FSHR: variants seen among roughly 807,000 people sequenced by gnomAD.
The protein encoded by FSHR is follicle-stimulating hormone receptor.
In FSHR, 46 loss-of-function variants were observed where a neutral mutation model predicts 52.1. That is an observed-to-expected ratio of 0.88 (90% CI 0.70 to 1.13). The LOEUF (loss-of-function observed/expected upper bound fraction) is 1.13. Among genes scored for constraint, FSHR ranks in the 50% most tolerant of loss-of-function variants. The pLI, the probability that FSHR is intolerant of heterozygous loss-of-function variation, is 0.00. For synonymous variants in FSHR, 399 were observed against 309.6 expected, an observed-to-expected ratio of 1.29 and a Z score of -3.03; for missense variants, 964 against 834.6, an observed-to-expected ratio of 1.16 and a Z score of -1.91.
chr2:49,003,038 G>C (rs1249887713), intron 4 of FSHR, among the ~76,000 whole-genome samples: 3 of 152,096 alleles, frequency 2.0e-5, no homozygotes, highest in East Asian at 3.9e-4. Flanking sequence ...ATTCCAAATG[G>C]GTGAGGGAAA....
intron 1 of FSHR, among the ~76,000 whole-genome samples, chr2:49,080,839 C>G (rs1263135874): frequency 6.6e-6 from 1 of 152,142 alleles, no homozygotes; most frequent in Non-Finnish European, 1.5e-5. Flanking sequence ...AGTCCATACT[C>G]CCAGCCATCT....
intron 8 of FSHR, among the ~76,000 whole-genome samples, chr2:48,977,340 G>C (rs1675036468): frequency 6.6e-6 from 1 of 152,172 alleles, no homozygotes; most frequent in Non-Finnish European, 1.5e-5. Context: ...ATGCAGAAGA[G>C]TTTAGGATTT....
chr2:49,064,652 GAA>G (rs2104333864), intron 2 of FSHR, among the ~76,000 whole-genome samples: 1 of 152,220 alleles, frequency 6.6e-6, no homozygotes, highest in Admixed American at 6.5e-5. Flanking sequence ...GGTAGCTGGA[GAA>G]AGAGATGGGT....
intron 1 of FSHR, among the ~76,000 whole-genome samples, chr2:49,107,258 T>G (rs2103742133): frequency 6.6e-6 from 1 of 152,070 alleles, no homozygotes; most frequent in East Asian, 1.9e-4. Context: ...TGAAATGGCC[T>G]TTTTTTCCTA....
chr2:48,962,307 C>A lies in FSHR; in HGVS notation c.*426G>T, dbSNP rs1176197948. ...CTTCTCTGGGAAATTCTCTGGGAGT[C>A]GGAATACCTAATCCTGGCTCTGCCT... On this transcript the variant is annotated 3_prime_UTR_variant, in exon 10 of 10. Transcript: ENST00000406846. 4 of 209,596 alleles carry A rather than the reference C, an allele frequency of 1.9e-5. No homozygotes were observed. Among genetic ancestry groups the A allele is most frequent in the Admixed American group, 5.3e-5 (1 of 18,872 alleles). 13.0% of individuals were successfully genotyped at this position (209,596 alleles called of 1,614,324 possible).
At chr2:49,113,385 C>G (rs1380247008) in intron 1 of FSHR, among the ~76,000 whole-genome samples, 1 of 152,164 alleles carries the variant, frequency 6.6e-6, no homozygotes, top group Non-Finnish European at 1.5e-5. Context: ...CCTATGAGTT[C>G]TTAGATCCTT....
intron 2 of FSHR, among the ~76,000 whole-genome samples, chr2:49,042,799 C>A (rs1668522450): frequency 6.6e-6 from 1 of 152,100 alleles, no homozygotes; most frequent in South Asian, 2.1e-4. Flanking sequence ...TGAGGAAGGC[C>A]TGAAGATGTG....
intron 4 of FSHR, among the ~76,000 whole-genome samples, chr2:48,994,213 A>G (rs905620644): frequency 1.3e-5 from 2 of 152,174 alleles, no homozygotes; most frequent in African/African-American, 2.4e-5. Context: ...TACTCATTCA[A>G]CGTTATTTGG....
At chr2:48,989,367 C>T (rs1675665857) in intron 5 of FSHR, among the ~76,000 whole-genome samples, 1 of 149,514 alleles carries the variant, frequency 6.7e-6, no homozygotes, top group Non-Finnish European at 1.5e-5. Context: ...ACTGTAGCCT[C>T]AACCTCCCAG....
At chr2:49,069,641 A>G (rs1669655629) in intron 1 of FSHR, among the ~76,000 whole-genome samples, 1 of 152,134 alleles carries the variant, frequency 6.6e-6, no homozygotes, top group East Asian at 1.9e-4. Context: ...GGTAGTCAAT[A>G]AATATTTGAA....
intron 4 of FSHR, among the ~76,000 whole-genome samples, chr2:49,012,173 G>A (rs1667300688): frequency 6.6e-6 from 1 of 152,260 alleles, no homozygotes; most frequent in Non-Finnish European, 1.5e-5. Flanking sequence ...GAGCAGCAAA[G>A]AGAAACATCC....
intron 1 of FSHR, among the ~76,000 whole-genome samples, chr2:49,151,711 C>T (rs1673070214): frequency 6.6e-6 from 1 of 152,076 alleles, no homozygotes; most frequent in African/African-American, 2.4e-5. Flanking sequence ...CTCATGTAAT[C>T]ATTAAAGTTA....
chr2:49,076,309 G>C (rs879529910), intron 1 of FSHR, among the ~76,000 whole-genome samples: 23 of 152,314 alleles, frequency 1.5e-4, no homozygotes, highest in Admixed American at 1.4e-3. Context: ...CAGAAGGCGA[G>C]GAGCAAGTCA....
chr2:48,969,058 G>C (rs1250955968), intron 8 of FSHR, among the ~76,000 whole-genome samples, 175 bp from the exon 9 acceptor site: 4 of 152,152 alleles, frequency 2.6e-5, no homozygotes, highest in Non-Finnish European at 5.9e-5. Flanking sequence ...AGGACATTTG[G>C]TTCTGTAGGA....
chr2:49,126,086 G>A (rs567969765), intron 1 of FSHR, among the ~76,000 whole-genome samples: 5 of 152,332 alleles, frequency 3.3e-5, no homozygotes, highest in Admixed American at 2.6e-4. Flanking sequence ...TGACAAAGCA[G>A]TAAAGGATCC....
chr2:49,149,648 A>G (rs1672992677), intron 1 of FSHR, among the ~76,000 whole-genome samples: 1 of 152,096 alleles, frequency 6.6e-6, no homozygotes, highest in African/African-American at 2.4e-5. Flanking sequence ...CGATTGATAC[A>G]TCCCTCTGAA....
chr2:49,021,884 T>C (rs62165294), intron 2 of FSHR, among the ~76,000 whole-genome samples: 1 of 36,568 alleles, frequency 2.7e-5, no homozygotes, highest in Non-Finnish European at 5.3e-5. Context: ...TATATATATA[T>C]ATAGAGAGAG....
At position 49,111,802 on chromosome 2, in the gene FSHR, A is replaced by T. The variant is rs187450472; in HGVS notation, c.152+42464T>A. ...ATCTCCATATTCTTTATACTTTCCT[A>T]CTGAGCTCTGCTTCTGCAATGTATC... is the stretch of plus-strand genomic sequence containing the variant. On this transcript the variant is annotated intron_variant, in intron 1 of 9. Transcript: ENST00000406846. Among the ~76,000 whole-genome samples, 32 of 152,256 alleles carry T rather than the reference A, an allele frequency of 2.1e-4. No individual in the cohort carries two copies. In the East Asian group the frequency reaches 4.3e-3, roughly 20 times the overall value.
chr2:49,034,190 C>T (rs990768820), intron 2 of FSHR, among the ~76,000 whole-genome samples: 2 of 152,182 alleles, frequency 1.3e-5, no homozygotes, highest in Non-Finnish European at 2.9e-5. Flanking sequence ...TTCCTCTCCC[C>T]TTCCCCAGTT....
Sources: allele counts gnomAD v4.1 joint callset (sites outside exome capture counted in the v4.1 genomes callset), GRCh38; gene constraint gnomAD v4.1.1; transcripts MANE v1.5; gene names NCBI Gene and HGNC (gene_info 2026-07-23, HGNC 2026-07-21).